THSD4: variants seen among roughly 807,000 people sequenced by gnomAD.
THSD4 encodes the protein thrombospondin type-1 domain-containing protein 4.
Under a neutral mutation model 119.0 loss-of-function variants are expected in THSD4, and 69 were observed. The observed-to-expected ratio is 0.58, with a 90% CI of 0.48 to 0.71. The LOEUF (loss-of-function observed/expected upper bound fraction) is 0.71. Ranked by LOEUF, THSD4 falls within the 30% of genes least tolerant of loss-of-function variation. The probability of loss-of-function intolerance (pLI) is 0.00; values close to 1 mark genes in which losing one functional copy is unlikely to be tolerated. For synonymous variants in THSD4, 524 were observed against 540.4 expected, an observed-to-expected ratio of 0.97 and a Z score of 0.42; for missense variants, 1,393 against 1,391.1, an observed-to-expected ratio of 1.00 and a Z score of -0.02.
chr15:71,631,600 A>T (rs942692740), intron 7 of THSD4, among the ~76,000 whole-genome samples: 20 of 152,214 alleles, frequency 1.3e-4, no homozygotes, highest in African/African-American at 4.6e-4. Flanking sequence ...AGTAGGATGT[A>T]TCTTAGAGAT....
rs78576194 is a variant in THSD4, at chr15:71,743,257, G to A, written c.1907-1849G>A. ...CAAGACACAGAGCATTCCTATGGGAGCCTGTATCCTTTTGATTAAAAAAAT... is the reference window on the plus strand; with the variant it reads ...CAAGACACAGAGCATTCCTATGGGAACCTGTATCCTTTTGATTAAAAAAAT... On this transcript the variant is annotated intron_variant, in intron 11 of 17. Transcript: ENST00000261862. Among the ~76,000 whole-genome samples, 656 of 152,214 alleles carry A rather than the reference G, an allele frequency of 4.3e-3. 4 individuals carry two copies. The highest frequency in any genetic ancestry group is 0.015 in the African/African-American group (619 of 41,518).
chr15:71,495,185 A>G (rs961514425), intron 7 of THSD4, among the ~76,000 whole-genome samples: 2 of 152,122 alleles, frequency 1.3e-5, no homozygotes, highest in Non-Finnish European at 2.9e-5. Flanking sequence ...TAGCAACCCA[A>G]CCCCGTTTTT....
intron 7 of THSD4, among the ~76,000 whole-genome samples, chr15:71,493,318 C>G (rs907376270): frequency 6.6e-6 from 1 of 152,186 alleles, no homozygotes; most frequent in African/African-American, 2.4e-5. Flanking sequence ...CTCTGTCTAA[C>G]TCTCACTCTT....
chr15:71,713,477 TG>T (rs1329581768), intron 8 of THSD4, among the ~76,000 whole-genome samples: 2 of 152,320 alleles, frequency 1.3e-5, no homozygotes, highest in Non-Finnish European at 2.9e-5. Context: ...AGAGATATAG[TG>T]GGGTTTACAC....
intron 8 of THSD4, among the ~76,000 whole-genome samples, chr15:71,723,100 T>C (rs1447996649): frequency 2.7e-5 from 4 of 148,462 alleles, no homozygotes; most frequent in Non-Finnish European, 6.0e-5. Flanking sequence ...TAAAAAAAAA[T>C]GGGCAGATAA....
chr15:71,589,363 T>TA (rs1314545391), intron 7 of THSD4, among the ~76,000 whole-genome samples: 1,671 of 131,814 alleles, frequency 0.013, 173 homozygotes, highest in African/African-American at 0.039. Context: ...TTTATTTATT[T>TA]TTTTATTTAT....
chr15:71,478,926 A>G (rs1273113677), intron 7 of THSD4, among the ~76,000 whole-genome samples: 3 of 152,216 alleles, frequency 2.0e-5, no homozygotes, highest in South Asian at 4.1e-4. Flanking sequence ...TTTTTCTGCA[A>G]GTGAACAGGT....
chr15:71,678,233 A>C (rs2051692097), intron 8 of THSD4, among the ~76,000 whole-genome samples: 1 of 152,272 alleles, frequency 6.6e-6, no homozygotes, highest in Admixed American at 6.5e-5. Flanking sequence ...TAGGGAACTA[A>C]TACAAGCTAA....
At chr15:71,146,812 C>A (rs1253536342) in intron 2 of THSD4, among the ~76,000 whole-genome samples, 2 of 152,162 alleles carry the variant, frequency 1.3e-5, no homozygotes, top group Admixed American at 1.3e-4. Flanking sequence ...AAACCCCCAT[C>A]TGTAAAATGA....
intron 7 of THSD4, among the ~76,000 whole-genome samples, chr15:71,553,128 T>C (rs8023507): frequency 0.34 from 50,984 of 152,066 alleles, 10,381 homozygotes; most frequent in South Asian, 0.48. Context: ...CGTAAGGGTA[T>C]GTGCCTATGT....
At position 71,527,755 on chromosome 15, in the gene THSD4, C is replaced by T. The variant is rs186114328; in HGVS notation, c.1152+115932C>T. 2.4e-4 allele frequency among the ~76,000 whole-genome samples: 31 copies of T among 127,484 alleles called. No individual in the cohort carries two copies. The East Asian group carries it at 4.9e-3, about 20-fold the overall frequency. 83.6% of individuals were successfully genotyped at this position (127,484 alleles called of 152,430 possible). ...TGAGACAGGGTCTCACTTTGTTGCCCAGGCTGGAGTGCAGTGGCACAATCA... is the reference window on the plus strand; with the variant it reads ...TGAGACAGGGTCTCACTTTGTTGCCTAGGCTGGAGTGCAGTGGCACAATCA... On this transcript the variant is annotated intron_variant, in intron 7 of 17. Transcript: ENST00000261862.
chr15:71,173,827 A>G lies in THSD4; in HGVS notation c.99+18895A>G, dbSNP rs138268296. 2.0e-3 allele frequency among the ~76,000 whole-genome samples: 299 copies of G among 152,260 alleles called. 1 individual carries two copies. The highest frequency in any genetic ancestry group is 4.3e-3 in the Admixed American group (66 of 15,296). ...CACTGACAGCCATGGAGACCAATGG[A>G]ATAGAATAGAGAGCCCAGAATTAAA... On this transcript the variant is annotated intron_variant, in intron 3 of 17. Coordinates refer to ENST00000261862, the MANE Select transcript of THSD4 (RefSeq NM_024817.3).
intron 7 of THSD4, among the ~76,000 whole-genome samples, chr15:71,462,418 G>T (rs1217763568): frequency 6.6e-6 from 1 of 152,164 alleles, no homozygotes; most frequent in Non-Finnish European, 1.5e-5. Context: ...CACCCAAAAT[G>T]TTGGGATTGC....
At chr15:71,620,866 G>T (rs1271037353) in intron 7 of THSD4, among the ~76,000 whole-genome samples, 2 of 152,128 alleles carry the variant, frequency 1.3e-5, no homozygotes, top group Non-Finnish European at 2.9e-5. Context: ...CTAATAAGCA[G>T]CAGGGTCAGT....
At chr15:71,553,469 G>C (rs994625932) in intron 7 of THSD4, among the ~76,000 whole-genome samples, 3 of 151,990 alleles carry the variant, frequency 2.0e-5, no homozygotes, top group Non-Finnish European at 4.4e-5. Context: ...GGAATTACAG[G>C]TTTTGTGCCA....
intron 10 of THSD4, among the ~76,000 whole-genome samples, chr15:71,734,216 C>T (rs1210717976): frequency 6.6e-6 from 1 of 152,104 alleles, no homozygotes; most frequent in Non-Finnish European, 1.5e-5. Context: ...GAAATATATA[C>T]AGTCAAAAGC....
intron 16 of THSD4, among the ~76,000 whole-genome samples, chr15:71,768,502 A>G (rs1356979598): frequency 6.6e-6 from 1 of 152,076 alleles, no homozygotes; most frequent in Non-Finnish European, 1.5e-5. Context: ...CTATGGATTG[A>G]AAGAGTTGTG....
intron 7 of THSD4, among the ~76,000 whole-genome samples, chr15:71,555,511 A>C (rs1197665082): frequency 6.6e-6 from 1 of 152,082 alleles, no homozygotes; most frequent in Non-Finnish European, 1.5e-5. Flanking sequence ...TTGCTTTTTC[A>C]CTACTGATTT....
chr15:71,407,682 G>T (rs2046626984), intron 6 of THSD4, among the ~76,000 whole-genome samples: 1 of 151,818 alleles, frequency 6.6e-6, no homozygotes, highest in Non-Finnish European at 1.5e-5. Context: ...CCTATATTTG[G>T]GGTTGTATTA....
Sources: gnomAD v4.1 joint callset for allele counts (sites outside exome capture counted in the v4.1 genomes callset) on GRCh38, gnomAD v4.1.1 for gene constraint, MANE v1.5 for transcripts, NCBI Gene and HGNC (gene_info 2026-07-23, HGNC 2026-07-21) for gene names.